The following PWWP3A variants were observed in gnomAD, a reference collection of about 807,000 sequenced individuals.
PWWP3A encodes PWWP domain-containing DNA repair factor 3A.
PWWP3A carries 53 observed loss-of-function variants against 79.0 expected under a neutral mutation model. The observed-to-expected ratio is 0.67, with a 90% CI of 0.54 to 0.84. The LOEUF (loss-of-function observed/expected upper bound fraction) is 0.84. PWWP3A is among the 40% of genes least tolerant of loss of function. PWWP3A has a pLI of 0.00. For synonymous variants in PWWP3A, 443 were observed against 394.4 expected, an observed-to-expected ratio of 1.12 and a Z score of -1.46; for missense variants, 973 against 948.0, an observed-to-expected ratio of 1.03 and a Z score of -0.35.
At position 1,360,757 on chromosome 19, in the gene PWWP3A, G is replaced by T; in HGVS notation, c.836G>T (p.Ser279Ile). 1 of 1,611,834 alleles carries T rather than the reference G, an allele frequency of 6.2e-7. No individual in the cohort carries two copies. The highest frequency in any genetic ancestry group is 2.2e-5 in the East Asian group (1 of 44,864). ...CACGACCCCGGTCTGCCGTTGGGCA[G>T]CCTCACTGCGCCCCCAGCCCCTGAG... ...EGHDPGLPLG[S>I]LTAPPAPEPS... Residue 279 changes from serine to isoleucine, a missense_variant, in exon 5 of 14, where the codon AGC becomes ATC. Transcript: ENST00000591337. The surrounding 1 kb of genome is among the most constrained non-coding windows in gnomAD (Gnocchi z 4.4).
rs1215396479 is a variant in PWWP3A at position 1,360,941 on chromosome 19, C to G, written c.1020C>G (p.Arg340=). The change falls in exon 5 of 14, where the codon CGC becomes CGG. Residue 340 remains arginine, a synonymous_variant. Coordinates refer to ENST00000591337, the MANE Select transcript of PWWP3A (RefSeq NM_001369789.1). This position sits in a 1 kb window ranked among gnomAD's most constrained non-coding sequence, Gnocchi z 4.4. ...GPGPRESVTP[R]STARLGPPPS... ...GGCCCAGAGAGTCTGTGACCCCGCG[C>G]AGCACCGCCAGGCTGGGCCCGCCTC... 1.3e-6 allele frequency: 2 copies of G among 1,506,156 alleles called. No homozygotes were observed. Among genetic ancestry groups the G allele is most frequent in the Admixed American group, 2.4e-5 (1 of 42,274 alleles). 93.3% of individuals were successfully genotyped at this position (1,506,156 alleles called of 1,614,324 possible).
At chr19:1,374,115 G>A (rs978902640) in intron 13 of PWWP3A, 1 of 152,232 alleles carries the variant, frequency 6.6e-6, no homozygotes, top group African/African-American at 2.4e-5. Flanking sequence ...CCAGCCTGCT[G>A]GTTTGTCCTC....
chr19:1,361,627 G>A (rs1295471966), intron 5 of PWWP3A, among the ~76,000 whole-genome samples: 1 of 152,208 alleles, frequency 6.6e-6, no homozygotes, highest in Admixed American at 6.5e-5. Flanking sequence ...TTACCGCGCA[G>A]ATATTTCAGT....
chr19:1,360,970 C>G lies in PWWP3A; in HGVS notation c.1049C>G (p.Ser350Cys). The G allele has an allele frequency of 1.4e-6, 2 of 1,465,820 alleles. No homozygotes were observed. Among genetic ancestry groups the G allele is most frequent in the Non-Finnish European group, 9.0e-7 (1 of 1,108,902 alleles). 90.8% of individuals were successfully genotyped at this position (1,465,820 alleles called of 1,614,324 possible). The part of the protein sequence containing the change: ...RSTARLGPPP[S>C]HASADATRCL... ...ACCGCCAGGCTGGGCCCGCCTCCCT[C>G]CCACGCCTCTGCGGATGCAACCAGA... Residue 350 changes from serine (S) to cysteine (C), a missense_variant, in exon 5 of 14, where the codon TCC (serine) becomes TGC (cysteine). By Grantham distance (112) the Ser-to-Cys change is moderately radical. Coordinates refer to ENST00000591337, the MANE Select transcript of PWWP3A (RefSeq NM_001369789.1). This position sits in a 1 kb window ranked among gnomAD's most constrained non-coding sequence, Gnocchi z 4.4.
chr19:1,370,760 C>A lies in PWWP3A; in HGVS notation c.1668C>A (p.Cys556Ter). The part of the protein sequence containing the change: ...VGCPLGQRQP[C>*]RKMLPDRSRA... ...GCCCCCTGGGGCAGAGGCAGCCCTG[C>A]CGGAAAATGCTCCCCGACCGCTCGC... Residue 556 changes from cysteine to a stop codon, truncating the protein, a stop_gained, in exon 12 of 14, where the codon TGC becomes TGA. Coordinates refer to ENST00000591337, the MANE Select transcript of PWWP3A (RefSeq NM_001369789.1). LOFTEE classifies it high-confidence loss of function. 6.6e-7 allele frequency: 1 copy of A among 1,507,408 alleles called. No individual in the cohort carries two copies. The highest frequency in any genetic ancestry group is 8.9e-7 in the Non-Finnish European group (1 of 1,123,500). The allele number at this position is 1,507,408 out of a possible 1,614,324, so 93.4% of individuals were successfully genotyped here. A position where few individuals can be genotyped will look rare whatever the true frequency, so the allele number is the denominator to read the frequency against.
In PWWP3A at chr19:1,360,004, A is replaced by T. The variant is rs2081973547; in HGVS notation, c.215-132A>T. 2 of 837,646 alleles carry T rather than the reference A, an allele frequency of 2.4e-6. No individual in the cohort carries two copies. The highest frequency in any genetic ancestry group is 2.7e-5 in the South Asian group (1 of 36,486). The allele number at this position is 837,646 out of a possible 1,614,324, so 51.9% of individuals were successfully genotyped here. A position where few individuals can be genotyped will look rare whatever the true frequency, so the allele number is the denominator to read the frequency against. ...TGGGAAAATGTAGGTGAGAAATGTT[A>T]GTCCTCCCCTTCAGTGATTTAGGTA... On this transcript the variant is annotated intron_variant, in intron 4 of 13. Coordinates refer to ENST00000591337, the MANE Select transcript of PWWP3A (RefSeq NM_001369789.1). The surrounding 1 kb of genome is among the most constrained non-coding windows in gnomAD (Gnocchi z 4.4).
Position 1,368,532 on chromosome 19 carries a change from G to A in PWWP3A, c.1423-733G>A, listed in dbSNP as rs545457150. On this transcript the variant is annotated intron_variant, in intron 9 of 13. Transcript: ENST00000591337. The surrounding 1 kb of genome is among the most constrained non-coding windows in gnomAD (Gnocchi z 4.7). The stretch of plus-strand genomic sequence containing the variant: ...AGAGAGCGGCGTCCACCCGGCCCTG[G>A]GATGTGCTTATGGGGTGCCCCCGTA... 6.6e-6 allele frequency among the ~76,000 whole-genome samples: 1 copy of A among 152,314 alleles called. No individual in the cohort carries two copies. The highest frequency in any genetic ancestry group is 1.9e-4 in the East Asian group (1 of 5,176).
At chr19:1,364,328 G>A in intron 6 of PWWP3A, 181 bp from the exon 7 acceptor site, 1 of 684,842 alleles carries the variant, frequency 1.5e-6, no homozygotes, top group South Asian at 1.6e-5. Context: ...TTAGACTCAA[G>A]TAGTGTGGGG....
chr19:1,375,949 G>C (rs931476996), intron 13 of PWWP3A, among the ~76,000 whole-genome samples: 8 of 150,158 alleles, frequency 5.3e-5, no homozygotes, highest in Admixed American at 2.7e-4. Context: ...GGCTAGGATT[G>C]CAGGTGCCCA....
At chr19:1,364,221 G>A (rs761203028) in intron 6 of PWWP3A, 9 of 591,664 alleles carry the variant, frequency 1.5e-5, no homozygotes, top group East Asian at 8.0e-5. Context: ...GCCGCCCCTC[G>A]TGGCACCCCT....
intron 7 of PWWP3A, 129 bp from the exon 8 acceptor site, chr19:1,366,176 A>T: frequency 1.3e-6 from 1 of 799,796 alleles, no homozygotes; most frequent in Non-Finnish European, 2.0e-6. Flanking sequence ...CTTGCGGGAG[A>T]CTTCGCTGGG....
intron 13 of PWWP3A, among the ~76,000 whole-genome samples, chr19:1,375,806 ATTTATT>A (rs1464252828): frequency 3.2e-5 from 2 of 63,252 alleles, no homozygotes; most frequent in Non-Finnish European, 6.4e-5. Context: ...ATATGTATTT[ATTTATT>A]TTTTTTTTTT....
In PWWP3A at chr19:1,369,993, G is replaced by A. The variant is rs1176034568; in HGVS notation, c.1549+347G>A. On this transcript the variant is annotated intron_variant, in intron 11 of 13. Transcript: ENST00000591337. The surrounding 1 kb of genome is among the most constrained non-coding windows in gnomAD (Gnocchi z 4.0). ...ACCTGTAATCCCAGCACTTTGGGAGGCTGAAGCAAGAGGATTGCTTGAGGC... is the reference window on the plus strand; with the variant it reads ...ACCTGTAATCCCAGCACTTTGGGAGACTGAAGCAAGAGGATTGCTTGAGGC... 1.3e-5 allele frequency among the ~76,000 whole-genome samples: 2 copies of A among 152,244 alleles called. No homozygotes were observed. Among genetic ancestry groups the A allele is most frequent in the Non-Finnish European group, 2.9e-5 (2 of 68,048 alleles).
chr19:1,366,468 G>A, intron 8 of PWWP3A, 87 bp downstream of exon 8: 1 of 1,257,774 alleles, frequency 8.0e-7, no homozygotes, highest in Non-Finnish European at 1.2e-6. Context: ...GGGATGGAGG[G>A]ACAGAGGGGA....
At chr19:1,363,118 C>T (rs902979302) in intron 6 of PWWP3A, among the ~76,000 whole-genome samples, 2 of 152,262 alleles carry the variant, frequency 1.3e-5, no homozygotes, top group African/African-American at 2.4e-5. Context: ...ATCCGTAAGG[C>T]GCAGGATGTC....
chr19:1,361,385 C>G (rs1234960952), intron 5 of PWWP3A, among the ~76,000 whole-genome samples: 1 of 152,320 alleles, frequency 6.6e-6, no homozygotes, highest in Middle Eastern at 3.4e-3. Context: ...ACTCTTTTAA[C>G]GGAAGCAGTA....
chr19:1,365,814 G>A (rs2082115997), intron 7 of PWWP3A, among the ~76,000 whole-genome samples: 1 of 152,278 alleles, frequency 6.6e-6, no homozygotes, highest in Non-Finnish European at 1.5e-5. Flanking sequence ...GGCCATCGGA[G>A]GCGCTGGTCG....
chr19:1,372,971 G>T, intron 12 of PWWP3A, 101 bp from the exon 13 acceptor site: 2 of 912,142 alleles, frequency 2.2e-6, no homozygotes, highest in Middle Eastern at 6.2e-4. Flanking sequence ...TCTGGAGGCT[G>T]GAACCTGGTG....
chr19:1,366,684 C>G (rs1357044442), intron 8 of PWWP3A, among the ~76,000 whole-genome samples: 2 of 152,268 alleles, frequency 1.3e-5, no homozygotes, highest in African/African-American at 4.8e-5. Flanking sequence ...CTGTTTCCCA[C>G]AAACCAGCAA....
Sources: allele counts gnomAD v4.1 joint callset (sites outside exome capture counted in the v4.1 genomes callset), GRCh38; gene constraint gnomAD v4.1.1; non-coding constraint Gnocchi (gnomAD v3.1); transcripts MANE v1.5; gene names NCBI Gene and HGNC (gene_info 2026-07-23, HGNC 2026-07-21).